Variants in CDK14 observed in about 807,000 individuals in gnomAD.
CDK14 encodes cyclin-dependent kinase 14.
A neutral mutation model predicts 60.7 loss-of-function variants in CDK14; 34 were observed. That is an observed-to-expected ratio of 0.56 (90% CI 0.43 to 0.75). The LOEUF is 0.75. Ranked by LOEUF, CDK14 falls within the 30% of genes least tolerant of loss-of-function variation. The pLI is 0.00. For synonymous variants in CDK14, 197 were observed against 203.7 expected (o/e 0.97, Z 0.28); for missense variants, 482 against 564.1 (o/e 0.85, Z 1.47).
intron 2 of CDK14, among the ~76,000 whole-genome samples, chr7:90,633,051 G>A (rs1455716951): frequency 6.6e-6 from 1 of 150,438 alleles, no homozygotes; most frequent in East Asian, 2.0e-4. Flanking sequence ...AGCCGAGACT[G>A]TGCTACTACG....
At chr7:90,818,258 T>G (rs1789425454) in intron 5 of CDK14, among the ~76,000 whole-genome samples, 1 of 152,182 alleles carries the variant, frequency 6.6e-6, no homozygotes, top group Non-Finnish European at 1.5e-5. Context: ...GAAAAATGGA[T>G]TAACCAGATA....
chr7:90,667,727 G>T (rs1266463407), intron 2 of CDK14, among the ~76,000 whole-genome samples: 1 of 151,914 alleles, frequency 6.6e-6, no homozygotes, highest in Non-Finnish European at 1.5e-5. Context: ...CTGCCACCAC[G>T]CCCGGCTAAT....
At chr7:90,750,581 A>G (rs567444130) in intron 4 of CDK14, among the ~76,000 whole-genome samples, 2 of 152,346 alleles carry the variant, frequency 1.3e-5, no homozygotes, top group South Asian at 2.1e-4. Flanking sequence ...AGGAATTTCA[A>G]TACAATTGAG....
At chr7:90,779,789 A>G (rs1805231407) in intron 4 of CDK14, among the ~76,000 whole-genome samples, 1 of 152,214 alleles carries the variant, frequency 6.6e-6, no homozygotes, top group Non-Finnish European at 1.5e-5. Flanking sequence ...GTGTTTTAAA[A>G]CACATGACAA....
At chr7:90,656,994 C>T (rs1263548970) in intron 2 of CDK14, among the ~76,000 whole-genome samples, 38 of 151,972 alleles carry the variant, frequency 2.5e-4, no homozygotes, top group Admixed American at 2.4e-3. Context: ...CCAACAAGAT[C>T]GTGTGAACTG....
At chr7:90,818,588 A>G (rs1789436254) in intron 5 of CDK14, among the ~76,000 whole-genome samples, 1 of 152,206 alleles carries the variant, frequency 6.6e-6, no homozygotes, top group Admixed American at 6.5e-5. Flanking sequence ...CAATAAGCTC[A>G]TGCTATTATA....
At chr7:90,986,871 CTT>C (rs1795385701) in intron 10 of CDK14, among the ~76,000 whole-genome samples, 2 of 151,898 alleles carry the variant, frequency 1.3e-5, no homozygotes, top group African/African-American at 4.8e-5. Context: ...AATAATGTAA[CTT>C]GTCAAATTAC....
At chr7:90,840,871 G>C (rs1330534444) in intron 5 of CDK14, among the ~76,000 whole-genome samples, 1 of 150,004 alleles carries the variant, frequency 6.7e-6, no homozygotes, top group Non-Finnish European at 1.5e-5. Flanking sequence ...TATTGCATTA[G>C]TAGAAATTCT....
At chr7:90,941,016 G>T (rs1793916071) in intron 8 of CDK14, among the ~76,000 whole-genome samples, 1 of 152,080 alleles carries the variant, frequency 6.6e-6, no homozygotes, top group African/African-American at 2.4e-5. Context: ...AATCAGACAT[G>T]GCCTCTGCCT....
chr7:90,879,786 A>T (rs369053852), intron 6 of CDK14, among the ~76,000 whole-genome samples: 7 of 152,048 alleles, frequency 4.6e-5, no homozygotes, highest in South Asian at 2.1e-4. Context: ...TTGTAAAAAA[A>T]AAAATTGACT....
At chr7:90,787,925 A>T (rs961299027) in intron 4 of CDK14, among the ~76,000 whole-genome samples, 9 of 152,172 alleles carry the variant, frequency 5.9e-5, no homozygotes, top group African/African-American at 2.2e-4. Context: ...GAAATTACTT[A>T]GGGGGAATCC....
At position 90,659,443 on chromosome 7, in the gene CDK14, T is replaced by A. The variant is rs927725250; in HGVS notation, c.123+55194T>A. ...CAGAATTTTAAGGTAGTACAGCTTCTTTTTGTTCAATAAATATACGTTTCT... is the reference window on the plus strand; with the variant it reads ...CAGAATTTTAAGGTAGTACAGCTTCATTTTGTTCAATAAATATACGTTTCT... On this transcript the variant is annotated intron_variant, in intron 2 of 14. Coordinates refer to ENST00000380050, the MANE Select transcript of CDK14 (RefSeq NM_001287135.2). Among the ~76,000 whole-genome samples, 3 of 152,206 alleles carry A rather than the reference T, an allele frequency of 2.0e-5. No homozygotes were observed. The South Asian group carries it at 6.2e-4, about 32-fold the overall frequency.
intron 6 of CDK14, among the ~76,000 whole-genome samples, chr7:90,886,544 G>T (rs1791951969): frequency 6.6e-6 from 1 of 152,088 alleles, no homozygotes; most frequent in African/African-American, 2.4e-5. Context: ...ATGGGATTTT[G>T]TTCTTTCCCT....
Position 91,118,146 on chromosome 7 carries a change from G to C in CDK14, c.1376G>C (p.Ser459Thr). ...ESMRAFGKNN[S>T]YGKSLSNSKH ...ATGCGGGCCTTTGGGAAAAACAATA[G>C]TTATGGCAAAAGTCTATCAAACAGC... Residue 459 changes from serine (S) to threonine (T), a missense_variant, in exon 14 of 15, where the codon AGT (serine) becomes ACT (threonine). Ser to Thr is a moderately conservative substitution (Grantham distance 58). Coordinates refer to ENST00000380050, the MANE Select transcript of CDK14 (RefSeq NM_001287135.2). The C allele has an allele frequency of 1.2e-6, 2 of 1,613,478 alleles. No individual in the cohort carries two copies. The highest frequency in any genetic ancestry group is 1.7e-6 in the Non-Finnish European group (2 of 1,179,540).
intron 6 of CDK14, among the ~76,000 whole-genome samples, chr7:90,884,514 G>A (rs1407982185): frequency 2.6e-5 from 4 of 152,158 alleles, no homozygotes; most frequent in Admixed American, 2.6e-4. Flanking sequence ...ACTGTCCAAA[G>A]TAATTTATAG....
chr7:91,074,532 T>A (rs1584018427), intron 11 of CDK14, among the ~76,000 whole-genome samples: 1 of 152,008 alleles, frequency 6.6e-6, no homozygotes, highest in Non-Finnish European at 1.5e-5. Flanking sequence ...CACTAAATGC[T>A]CACATCAGAA....
chr7:90,773,917 T>C (rs1432199155), intron 4 of CDK14, among the ~76,000 whole-genome samples: 5 of 145,000 alleles, frequency 3.4e-5, no homozygotes, highest in Admixed American at 2.8e-4. Context: ...TTTTTTTTTT[T>C]TTTTGAGATG....
At chr7:90,829,253 A>G (rs1425558434) in intron 5 of CDK14, among the ~76,000 whole-genome samples, 1 of 152,104 alleles carries the variant, frequency 6.6e-6, no homozygotes, top group Non-Finnish European at 1.5e-5. Flanking sequence ...CCCAAATCTC[A>G]TGTCTTTCTC....
chr7:90,742,178 C>T (rs1449648940), intron 3 of CDK14, among the ~76,000 whole-genome samples: 1 of 152,006 alleles, frequency 6.6e-6, no homozygotes, highest in Non-Finnish European at 1.5e-5. Flanking sequence ...CTGCTTCATA[C>T]AACTTAGTAT....
Sources: allele counts gnomAD v4.1 joint callset (sites outside exome capture counted in the v4.1 genomes callset), GRCh38; gene constraint gnomAD v4.1.1; transcripts MANE v1.5; gene names NCBI Gene and HGNC (gene_info 2026-07-23, HGNC 2026-07-21).